The following MARCHF1 variants were observed in gnomAD, a reference collection of about 807,000 sequenced individuals.
The protein encoded by MARCHF1 is E3 ubiquitin-protein ligase MARCHF1.
A neutral mutation model predicts 54.2 loss-of-function variants in MARCHF1; 40 were observed. That is an observed-to-expected ratio of 0.74 (90% CI 0.57 to 0.96). The LOEUF (loss-of-function observed/expected upper bound fraction) is 0.96, where lower values mean the gene tolerates loss of function less well. Ranked by LOEUF, MARCHF1 falls within the 40% of genes least tolerant of loss-of-function variation. The probability of loss-of-function intolerance (pLI) is 0.00; values close to 1 mark genes in which losing one functional copy is unlikely to be tolerated. For synonymous variants in MARCHF1, 236 were observed against 236.3 expected (o/e 1.00, Z 0.01); for missense variants, 586 against 656.5 (o/e 0.89, Z 1.17).
At chr4:163,587,946 C>G (rs1010315469) in intron 7 of MARCHF1, among the ~76,000 whole-genome samples, 3 of 152,188 alleles carry the variant, frequency 2.0e-5, no homozygotes, top group South Asian at 2.1e-4. Context: ...TATATCTGCT[C>G]TCTCCCCAGG....
chr4:164,322,019 T>C (rs1249339814), intron 1 of MARCHF1, among the ~76,000 whole-genome samples: 2 of 152,046 alleles, frequency 1.3e-5, no homozygotes, highest in Non-Finnish European at 1.5e-5. Context: ...GAAGGAAATA[T>C]AGAGTCAAAT....
chr4:163,677,423 C>A (rs1296970737), intron 5 of MARCHF1, among the ~76,000 whole-genome samples: 1 of 152,096 alleles, frequency 6.6e-6, no homozygotes, highest in Non-Finnish European at 1.5e-5. Flanking sequence ...TGGAAGACAC[C>A]AAGCTCCTTC....
At chr4:163,846,361 T>C (rs1749484768) in intron 4 of MARCHF1, among the ~76,000 whole-genome samples, 1 of 152,126 alleles carries the variant, frequency 6.6e-6, no homozygotes, top group Admixed American at 6.6e-5. Flanking sequence ...CCTCTTTCTG[T>C]TTACCATTTA....
chr4:163,781,859 C>T (rs916278044), intron 4 of MARCHF1, among the ~76,000 whole-genome samples: 6 of 152,102 alleles, frequency 3.9e-5, no homozygotes, highest in Admixed American at 1.3e-4. Context: ...TTGGGTTGAA[C>T]GTAAGTCAGA....
At chr4:164,359,756 C>G (rs1730669078) in intron 1 of MARCHF1, among the ~76,000 whole-genome samples, 1 of 152,120 alleles carries the variant, frequency 6.6e-6, no homozygotes, top group Non-Finnish European at 1.5e-5. Flanking sequence ...AGTGCTGTAA[C>G]ATATGTGCTT....
intron 3 of MARCHF1, among the ~76,000 whole-genome samples, chr4:163,974,013 C>T (rs774538084): frequency 9.9e-5 from 15 of 152,146 alleles, no homozygotes; most frequent in Non-Finnish European, 2.2e-4. Context: ...CCTGGCTTTG[C>T]TTCTTATTAA....
chr4:164,055,872 T>C (rs1014123678), intron 2 of MARCHF1, among the ~76,000 whole-genome samples: 6 of 152,358 alleles, frequency 3.9e-5, no homozygotes, highest in African/African-American at 4.8e-5. Context: ...TATTAGATTA[T>C]TGCTTTTTGT....
chr4:163,867,880 T>G lies in MARCHF1; in HGVS notation c.-38-13711A>C, dbSNP rs190551652. ...GAGTAGTCTCCTCTTCTGTATTCAT[T>G]TCCCTGTTATTTCTCTCCCTGCCTC... On this transcript the variant is annotated intron_variant, in intron 3 of 9. Transcript: ENST00000514618. 4.6e-5 allele frequency among the ~76,000 whole-genome samples: 7 copies of G among 151,254 alleles called. No individual in the cohort carries two copies. The Admixed American group carries it at 4.6e-4, about 10-fold the overall frequency.
chr4:164,274,562 C>T (rs1052122518), intron 1 of MARCHF1, among the ~76,000 whole-genome samples: 2 of 149,342 alleles, frequency 1.3e-5, no homozygotes, highest in Non-Finnish European at 3.0e-5. Context: ...TTTGTCAGTG[C>T]AAGTAAAGAG....
intron 2 of MARCHF1, among the ~76,000 whole-genome samples, chr4:163,994,762 C>CACAA (rs1553968529): frequency 7.6e-5 from 9 of 119,160 alleles, no homozygotes; most frequent in African/African-American, 2.4e-4. Flanking sequence ...CACACACACA[C>CACAA]ACACACACAC....
intron 1 of MARCHF1, among the ~76,000 whole-genome samples, chr4:164,367,898 C>A (rs1021999680): frequency 6.6e-6 from 1 of 151,744 alleles, no homozygotes; most frequent in Non-Finnish European, 1.5e-5. Flanking sequence ...TCCATCATCT[C>A]TTAAGTCCAA....
intron 2 of MARCHF1, among the ~76,000 whole-genome samples, chr4:164,058,037 C>T (rs545227761): frequency 6.6e-6 from 1 of 152,062 alleles, no homozygotes; most frequent in Non-Finnish European, 1.5e-5. Context: ...AAACTGAACA[C>T]CACATGTTCT....
At chr4:164,057,043 A>G (rs890371347) in intron 2 of MARCHF1, among the ~76,000 whole-genome samples, 3 of 152,180 alleles carry the variant, frequency 2.0e-5, no homozygotes, top group African/African-American at 7.2e-5. Flanking sequence ...AGATAATGCT[A>G]AGGGAATGTA....
intron 1 of MARCHF1, among the ~76,000 whole-genome samples, chr4:164,212,278 T>C (rs1194481472): frequency 2.0e-5 from 3 of 152,204 alleles, no homozygotes; most frequent in Non-Finnish European, 2.9e-5. Context: ...GATAGCCATA[T>C]GAGATGACAT....
intron 2 of MARCHF1, among the ~76,000 whole-genome samples, chr4:164,077,926 G>T (rs1475819547): frequency 1.3e-5 from 2 of 152,226 alleles, no homozygotes; most frequent in African/African-American, 4.8e-5. Context: ...CTTTTACACT[G>T]TTGGTGGGAG....
intron 9 of MARCHF1, among the ~76,000 whole-genome samples, chr4:163,533,312 A>G (rs535751916): frequency 9.4e-4 from 143 of 152,078 alleles, no homozygotes; most frequent in African/African-American, 3.2e-3. Context: ...AAAACTGGAG[A>G]TAGTAGGATC....
intron 1 of MARCHF1, among the ~76,000 whole-genome samples, chr4:164,248,641 T>A (rs1249818396): frequency 6.6e-6 from 1 of 152,074 alleles, no homozygotes; most frequent in Non-Finnish European, 1.5e-5. Context: ...AAATGAATAA[T>A]GTTTTAAAGA....
intron 1 of MARCHF1, among the ~76,000 whole-genome samples, chr4:164,202,970 G>A (rs928152187): frequency 6.6e-5 from 10 of 151,912 alleles, no homozygotes; most frequent in Non-Finnish European, 1.5e-5. Context: ...ACACACATAT[G>A]TACAAGCACA....
chr4:164,348,000 T>C (rs1730159117), intron 1 of MARCHF1, among the ~76,000 whole-genome samples: 1 of 152,134 alleles, frequency 6.6e-6, no homozygotes, highest in South Asian at 2.1e-4. Flanking sequence ...TTTAAAAATT[T>C]AGTTGAGAAG....
Sources: gnomAD v4.1 joint callset for allele counts (sites outside exome capture counted in the v4.1 genomes callset) on GRCh38, gnomAD v4.1.1 for gene constraint, MANE v1.5 for transcripts, NCBI Gene and HGNC (gene_info 2026-07-23, HGNC 2026-07-21) for gene names.